Variants in KIF3A observed in about 807,000 individuals in gnomAD.
KIF3A encodes the protein kinesin-like protein KIF3A.
In KIF3A, 27 loss-of-function variants were observed where a neutral mutation model predicts 92.6. That is an observed-to-expected ratio of 0.29 (90% CI 0.21 to 0.40). The LOEUF (loss-of-function observed/expected upper bound fraction) is 0.40. KIF3A is among the 10% of genes least tolerant of loss of function. The pLI, the probability that KIF3A is intolerant of heterozygous loss-of-function variation, is 1.00. For missense variants in KIF3A, 581 were observed against 872.6 expected (o/e 0.67, Z 4.21); for synonymous variants, 250 against 275.4 (o/e 0.91, Z 0.92).
chr5:132,721,892 T>G (rs911965218), intron 4 of KIF3A, among the ~76,000 whole-genome samples: 4 of 152,170 alleles, frequency 2.6e-5, no homozygotes, highest in African/African-American at 9.7e-5. Flanking sequence ...ACATTGAGCT[T>G]CCACATAAGG....
At position 132,703,522 on chromosome 5, in the gene KIF3A, T is replaced by C. The variant is rs752332990; in HGVS notation, c.1407A>G (p.Glu469=). 1.2e-6 allele frequency: 2 copies of C among 1,612,866 alleles called. No homozygotes were observed. The highest frequency in any genetic ancestry group is 8.5e-7 in the Non-Finnish European group (1 of 1,179,312). The change falls in exon 12 of 19, where the codon GAA becomes GAG. Residue 469 remains glutamate, a synonymous_variant. Coordinates refer to ENST00000403231, the MANE Select transcript of KIF3A (RefSeq NM_001300791.2). ...ALETKLDMEE[E]ERNKARAELE... ...ATTCAGCTCTAGCCTTGTTTCTTTC[T>C]TCTTCTTCCATGTCGAGCTTTGTTT...
rs139928256 is a variant in KIF3A, at chr5:132,713,168, A to AAACAAC, written c.1130-2117_1130-2112dup. Among the ~76,000 whole-genome samples the AAACAAC allele has an allele frequency of 5.6e-3, 852 of 152,026 alleles. 7 individuals carry two copies. Among genetic ancestry groups the AAACAAC allele is most frequent in the African/African-American group, 0.02 (813 of 41,426 alleles). ...GAGACTCTGTCTCAAAACAAAAAAC[A>AAACAAC]AACAACAACAACAACAACAACAACA... On this transcript the variant is annotated intron_variant, in intron 8 of 18. Transcript: ENST00000403231.
At chr5:132,699,823 A>G (rs1160727928) in intron 17 of KIF3A, among the ~76,000 whole-genome samples, 1 of 151,898 alleles carries the variant, frequency 6.6e-6, no homozygotes, top group East Asian at 1.9e-4. Context: ...CGGCCTCCCA[A>G]AGTGCTGGGA....
At chr5:132,691,685 C>A (rs1055612101), downstream of KIF3A, among the ~76,000 whole-genome samples, 1 of 151,954 alleles carries the variant, frequency 6.6e-6, no homozygotes, top group Non-Finnish European at 1.5e-5. Flanking sequence ...GGTGGATCAC[C>A]TGAGGTCAGG....
At chr5:132,724,758 G>A (rs1416783147) in intron 4 of KIF3A, among the ~76,000 whole-genome samples, 2 of 136,936 alleles carry the variant, frequency 1.5e-5, no homozygotes, top group East Asian at 4.6e-4. Flanking sequence ...AAACCTGCAC[G>A]TCGTGCACAT....
chr5:132,695,636 AAAT>A lies in KIF3A; in HGVS notation c.*995_*997del, dbSNP rs1361532395. On this transcript the variant is annotated 3_prime_UTR_variant, in exon 19 of 19. Coordinates refer to ENST00000403231, the MANE Select transcript of KIF3A (RefSeq NM_001300791.2). ...GATTACCCAATAGAAGAAATTCAGA[AAAT>A]AATATTTTATTTTTAAAATAGAAAA... 2 of 149,272 alleles carry A rather than the reference AAAT, an allele frequency of 1.3e-5. No homozygotes were observed. The highest frequency in any genetic ancestry group is 3.0e-5 in the Non-Finnish European group (2 of 67,714). The allele number at this position is 149,272 out of a possible 1,614,324, so 9.2% of individuals were successfully genotyped here.
chr5:132,702,130 A>T lies in KIF3A; in HGVS notation c.1841T>A (p.Leu614His). 1 of 1,613,844 alleles carries T rather than the reference A, an allele frequency of 6.2e-7. No individual in the cohort carries two copies. Among genetic ancestry groups the T allele is most frequent in the Non-Finnish European group, 8.5e-7 (1 of 1,179,776 alleles). ...NIRQLSRELR[L>H]QMLIIDNFIP... Reference sequence around the variant, plus strand: ...AAAGTTATCAATAATAAGCATCTGAAGTCGAAGCTCCCGGCTAAGTTGCCG... The same window carrying T: ...AAAGTTATCAATAATAAGCATCTGATGTCGAAGCTCCCGGCTAAGTTGCCG... Residue 614 changes from leucine to histidine, a missense_variant, in exon 15 of 19, where the codon CTT (leucine) becomes CAT (histidine). By Grantham distance (99) the Leu-to-His change is moderately conservative. Around this residue, in one of 5 missense-constraint regions of KIF3A, gnomAD observed 112 missense variants for 144.3 expected, o/e 0.78. Transcript: ENST00000403231.
At chr5:132,710,354 CG>C (rs1753372706) in intron 9 of KIF3A, among the ~76,000 whole-genome samples, 1 of 152,148 alleles carries the variant, frequency 6.6e-6, no homozygotes, top group Non-Finnish European at 1.5e-5. Flanking sequence ...TGGTGGCTCA[CG>C]CCTGTAGTCC....
chr5:132,722,544 C>T (rs1261986731), intron 4 of KIF3A, among the ~76,000 whole-genome samples: 1 of 151,910 alleles, frequency 6.6e-6, no homozygotes, highest in Non-Finnish European at 1.5e-5. Flanking sequence ...AAGAACTGTC[C>T]CACAGAATTT....
intron 18 of KIF3A, 76 bp from the exon 19 acceptor site, chr5:132,696,758 A>C: frequency 2.6e-6 from 3 of 1,147,690 alleles, no homozygotes; most frequent in Admixed American, 1.7e-5. Flanking sequence ...CATTATATAG[A>C]AACTATGGGG....
chr5:132,715,927 G>T lies in KIF3A; in HGVS notation c.959C>A (p.Ala320Glu). 6.3e-7 allele frequency: 1 copy of T among 1,575,330 alleles called. No homozygotes were observed. Among genetic ancestry groups the T allele is most frequent in the Non-Finnish European group, 8.6e-7 (1 of 1,158,920 alleles). Residue 320 changes from alanine to glutamate, a missense_variant, in exon 8 of 19, where the codon GCA (alanine) becomes GAA (glutamate). Physicochemically the swap from Ala to Glu is moderately radical, Grantham distance 107. This residue lies in a region of KIF3A where 40 missense variants were observed against 107.0 expected (regional missense o/e 0.37). Transcript: ENST00000403231. ...LGGNSKTMMCANIGPADYNYD... is the reference protein window; with the variant it reads ...LGGNSKTMMCENIGPADYNYD... The stretch of plus-strand genomic sequence containing the variant: ...ATTGTAATCTGCTGGCCCAATATTT[G>T]CACACTATTGAATTAGAAATATGAA...
rs529724684 is a variant in KIF3A at position 132,727,669 on chromosome 5, G to A, written c.281-1171C>T. Among the ~76,000 whole-genome samples the A allele has an allele frequency of 3.9e-5, 6 of 152,290 alleles. No homozygotes were observed. In the South Asian group the frequency reaches 1.2e-3, roughly 32 times the overall value. On this transcript the variant is annotated intron_variant, in intron 2 of 18. Coordinates refer to ENST00000403231, the MANE Select transcript of KIF3A (RefSeq NM_001300791.2). Reference sequence around the variant, plus strand: ...AAACTTTTTAGACCTTATCCTAAAAGCAACATGAAGCCATAGAATGATTTT... The same window carrying A: ...AAACTTTTTAGACCTTATCCTAAAAACAACATGAAGCCATAGAATGATTTT...
At chr5:132,728,650 T>C (rs989757955) in intron 2 of KIF3A, among the ~76,000 whole-genome samples, 3 of 151,950 alleles carry the variant, frequency 2.0e-5, no homozygotes, top group Admixed American at 6.6e-5. Flanking sequence ...AGCACAAGAA[T>C]TGCTTGAACC....
downstream of KIF3A, among the ~76,000 whole-genome samples, chr5:132,691,502 G>A (rs146449940): frequency 4.2e-3 from 645 of 151,800 alleles, 8 homozygotes; most frequent in African/African-American, 0.015. Context: ...AGCTGAGATC[G>A]TGCCATTGCA....
At chr5:132,707,977 A>T (rs1753275501) in intron 10 of KIF3A, among the ~76,000 whole-genome samples, 1 of 152,242 alleles carries the variant, frequency 6.6e-6, no homozygotes, top group Non-Finnish European at 1.5e-5. Context: ...TTCTCTAATC[A>T]TACCTTAGAA....
rs1754116546 is a variant in KIF3A, at chr5:132,728,611, C to T, written c.281-2113G>A. Among the ~76,000 whole-genome samples the T allele has an allele frequency of 1.3e-5, 2 of 151,948 alleles. 1 individual carries two copies. Among genetic ancestry groups the T allele is most frequent in the South Asian group, 4.2e-4 (2 of 4,812 alleles). ...AATTAGCTGGGTGTGGTGGCACATG[C>T]CTGTAGTCCCAGCTACTCGGGAAGG... On this transcript the variant is annotated intron_variant, in intron 2 of 18. Transcript: ENST00000403231.
intron 15 of KIF3A, among the ~76,000 whole-genome samples, chr5:132,701,720 A>G (rs1477003951): frequency 6.6e-6 from 1 of 152,098 alleles, no homozygotes; most frequent in Non-Finnish European, 1.5e-5. Context: ...GGTAAATTTC[A>G]TGTTATCTAT....
At position 132,698,143 on chromosome 5, in the gene KIF3A, C is replaced by T. The variant is rs1490114106; in HGVS notation, c.2132+1028G>A. ...CAAATTTATAAGTGTTAAGTCATGT[C>T]TATGAGATTATGTAACACAAAGATA... On this transcript the variant is annotated intron_variant, in intron 18 of 18. Transcript: ENST00000403231. 6.6e-5 allele frequency among the ~76,000 whole-genome samples: 10 copies of T among 152,120 alleles called. No individual in the cohort carries two copies. The East Asian group carries it at 1.9e-3, about 29-fold the overall frequency.
intron 9 of KIF3A, 111 bp downstream of exon 9, chr5:132,710,848 C>G: frequency 1.4e-6 from 2 of 1,433,758 alleles, no homozygotes; most frequent in Non-Finnish European, 1.9e-6. Context: ...ATCTTCTGTT[C>G]TAATTGTTAT....
Sources: allele counts gnomAD v4.1 joint callset (sites outside exome capture counted in the v4.1 genomes callset), GRCh38; gene constraint gnomAD v4.1.1; regional missense constraint gnomAD v4.1.1; transcripts MANE v1.5; gene names NCBI Gene and HGNC (gene_info 2026-07-23, HGNC 2026-07-21).